Variants in ANOS1 observed in about 807,000 individuals in gnomAD.
ANOS1 encodes the protein anosmin 1, also known as anosmin-1.
ANOS1 carries 6 observed loss-of-function variants against 59.0 expected under a neutral mutation model. The ratio of observed to expected loss-of-function variants is 0.10; its 90% CI spans 0.06 to 0.20. The LOEUF is 0.20. Ranked by LOEUF, ANOS1 falls within the 10% of genes least tolerant of loss-of-function variation. The pLI is 1.00. For synonymous variants in ANOS1, 217 were observed against 223.4 expected (o/e 0.97, Z 0.25); for missense variants, 433 against 542.3 (o/e 0.80, Z 2.00).
intron 1 of ANOS1, among the ~76,000 whole-genome samples, chrX:8,730,054 C>G (rs1267966572): frequency 9.0e-6 from 1 of 111,628 alleles, no homozygotes; most frequent in Non-Finnish European, 1.9e-5. Flanking sequence ...ACAAGAAAAG[C>G]CTTTCACGGG....
chrX:8,591,821 G>C (rs1034257860), intron 4 of ANOS1, among the ~76,000 whole-genome samples: 1 of 112,387 alleles, frequency 8.9e-6, no homozygotes, highest in African/African-American at 3.2e-5. Context: ...TGCATAACCA[G>C]ATGTATAGAC....
At chrX:8,618,852 A>G (rs777664126) in intron 3 of ANOS1, among the ~76,000 whole-genome samples, 3 of 110,424 alleles carry the variant, frequency 2.7e-5, no homozygotes, top group Non-Finnish European at 5.7e-5. Context: ...TGGGCGGATC[A>G]CCTGAGGTCA....
chrX:8,705,405 G>GT (rs1188671728), intron 1 of ANOS1, among the ~76,000 whole-genome samples: 4 of 111,402 alleles, frequency 3.6e-5, no homozygotes, highest in Non-Finnish European at 5.6e-5. Context: ...TGGATTCTGG[G>GT]TTTCCTGTTT....
intron 6 of ANOS1, among the ~76,000 whole-genome samples, chrX:8,583,608 T>G (rs1930461572): frequency 8.9e-6 from 1 of 111,856 alleles, no homozygotes; most frequent in Non-Finnish European, 1.9e-5. Context: ...AGGACTCATC[T>G]TCACTGAAAA....
At chrX:8,560,691 A>G (rs952364184) in intron 8 of ANOS1, among the ~76,000 whole-genome samples, 7 of 112,613 alleles carry the variant, frequency 6.2e-5, no homozygotes, top group Non-Finnish European at 7.5e-5. Flanking sequence ...CCAGTTTCAC[A>G]TAATTCAAAG....
chrX:8,633,961 T>C (rs759373962), intron 2 of ANOS1, among the ~76,000 whole-genome samples: 1 of 112,248 alleles, frequency 8.9e-6, no homozygotes, highest in East Asian at 2.8e-4. Flanking sequence ...AAAATAAGGC[T>C]ATAAAGAACA....
intron 3 of ANOS1, among the ~76,000 whole-genome samples, chrX:8,607,254 G>A (rs1211426213): frequency 8.9e-6 from 1 of 112,198 alleles, no homozygotes; most frequent in Non-Finnish European, 1.9e-5. Context: ...TTTATGCTTG[G>A]AAGTATTATT....
At chrX:8,675,997 T>C (rs1932332464) in intron 2 of ANOS1, among the ~76,000 whole-genome samples, 1 of 110,086 alleles carries the variant, frequency 9.1e-6, no homozygotes, top group Non-Finnish European at 1.9e-5. Flanking sequence ...CTGAGGATAA[T>C]GGCTTCCAGC....
At chrX:8,701,298 T>A (rs1014604080) in intron 1 of ANOS1, among the ~76,000 whole-genome samples, 1 of 111,802 alleles carries the variant, frequency 8.9e-6, no homozygotes, top group Non-Finnish European at 1.9e-5. Context: ...ATACCAGTAT[T>A]GACAGAGCAA....
intron 2 of ANOS1, among the ~76,000 whole-genome samples, chrX:8,670,331 T>G (rs1292515021): frequency 9.0e-6 from 1 of 111,631 alleles, no homozygotes; most frequent in Non-Finnish European, 1.9e-5. Flanking sequence ...TTTCTAATCA[T>G]TATTTTGGAG....
At chrX:8,533,775 A>G (rs1457908952) in intron 13 of ANOS1, among the ~76,000 whole-genome samples, 8 of 111,606 alleles carry the variant, frequency 7.2e-5, no homozygotes, top group Non-Finnish European at 1.3e-4. Flanking sequence ...TATTACAGTA[A>G]TATCTATGTA....
At chrX:8,653,346 T>G (rs1193370142) in intron 2 of ANOS1, among the ~76,000 whole-genome samples, 1 of 111,488 alleles carries the variant, frequency 9.0e-6, no homozygotes, top group Non-Finnish European at 1.9e-5. Context: ...CAGGTCTACA[T>G]GAACCCACTG....
Position 8,539,678 on chromosome X carries a change from A to C in ANOS1, c.1435T>G (p.Ser479Ala). 1 of 1,211,777 alleles carries C rather than the reference A, an allele frequency of 8.3e-7. No individual in the cohort carries two copies. The highest frequency in any genetic ancestry group is 1.7e-5 in the African/African-American group (1 of 57,779). The change falls in exon 10 of 14, where the codon TCT becomes GCT. Residue 479 changes from serine to alanine, a missense_variant. Ser to Ala is a moderately conservative substitution (Grantham distance 99). Transcript: ENST00000262648. ...CATGTCCTTACGTGGGTCATGCCAG[A>C]TGATGCCTCTGATCCGGTTGTTCTG... The part of the protein sequence containing the change: ...HNRTTGSEAS[S>A]GMTHENYIIL...
chrX:8,619,070 C>CAAAAA (rs1164164251), intron 3 of ANOS1, among the ~76,000 whole-genome samples: 88 of 43,962 alleles, frequency 2.0e-3, no homozygotes, highest in East Asian at 3.9e-3. Context: ...AAACCTCTCT[C>CAAAAA]AAAAAAAAAA....
intron 8 of ANOS1, among the ~76,000 whole-genome samples, chrX:8,562,403 A>G (rs1930047695): frequency 8.9e-6 from 1 of 111,992 alleles, no homozygotes; most frequent in Non-Finnish European, 1.9e-5. Flanking sequence ...GGTGCATACT[A>G]CAATGCTAGC....
At chrX:8,610,006 CAAAAAAAAA>C (rs1167209336) in intron 3 of ANOS1, among the ~76,000 whole-genome samples, 5 of 9,160 alleles carry the variant, frequency 5.5e-4, no homozygotes, top group African/African-American at 6.7e-4. Flanking sequence ...GACTCCATCT[CAAAAAAAAA>C]AAAAAAAAAA....
intron 8 of ANOS1, among the ~76,000 whole-genome samples, chrX:8,555,428 A>C (rs1929935280): frequency 9.0e-6 from 1 of 111,566 alleles, no homozygotes; most frequent in African/African-American, 3.3e-5. Flanking sequence ...TCCAAAAATC[A>C]ATGAATCCAG....
At chrX:8,667,088 A>G (rs1158200509) in intron 2 of ANOS1, among the ~76,000 whole-genome samples, 1 of 111,398 alleles carries the variant, frequency 9.0e-6, no homozygotes, top group East Asian at 2.8e-4. Flanking sequence ...AGAAATTATA[A>G]ACTCTGTCCT....
chrX:8,574,115 C>T (rs1930279227), intron 6 of ANOS1, among the ~76,000 whole-genome samples: 1 of 110,200 alleles, frequency 9.1e-6, no homozygotes, highest in Non-Finnish European at 1.9e-5. Flanking sequence ...TTCATTTTAT[C>T]ACCTCCACCC....
Sources: gnomAD v4.1 joint callset for allele counts (sites outside exome capture counted in the v4.1 genomes callset) on GRCh38, gnomAD v4.1.1 for gene constraint, MANE v1.5 for transcripts, NCBI Gene and HGNC (gene_info 2026-07-23, HGNC 2026-07-21) for gene names.